Variants in SCAPER observed in about 807,000 individuals in gnomAD.
SCAPER encodes the protein S-phase cyclin A associated protein in the ER, also known as S phase cyclin A-associated protein in the endoplasmic reticulum.
Under a neutral mutation model 182.2 loss-of-function variants are expected in SCAPER, and 98 were observed. That is an observed-to-expected ratio of 0.54 (90% CI 0.46 to 0.64). The LOEUF is 0.64. Ranked by LOEUF, SCAPER falls within the 30% of genes least tolerant of loss-of-function variation. SCAPER has a pLI of 0.00. For missense variants in SCAPER, 1,432 were observed against 1,690.0 expected, an observed-to-expected ratio of 0.85 and a Z score of 2.68; for synonymous variants, 605 against 564.6, an observed-to-expected ratio of 1.07 and a Z score of -1.01.
At chr15:76,605,999 G>GT (rs1232349546) in intron 22 of SCAPER, among the ~76,000 whole-genome samples, 1 of 152,084 alleles carries the variant, frequency 6.6e-6, no homozygotes, top group Non-Finnish European at 1.5e-5. Flanking sequence ...TTTTTGAAGG[G>GT]TTTTTTGTGT....
intron 2 of SCAPER, among the ~76,000 whole-genome samples, chr15:76,863,151 C>T (rs1480482906): frequency 6.6e-6 from 1 of 152,194 alleles, no homozygotes. Flanking sequence ...TCAGCCCCAC[C>T]AACACCCTGT....
At chr15:76,495,576 T>TC (rs1555456249) in intron 24 of SCAPER, among the ~76,000 whole-genome samples, 2 of 25,948 alleles carry the variant, frequency 7.7e-5, no homozygotes, top group Non-Finnish European at 1.5e-4. Flanking sequence ...AGACTTGGTC[T>TC]CAAAAAAAAA....
At chr15:76,565,934 A>T (rs1414580273) in intron 23 of SCAPER, among the ~76,000 whole-genome samples, 2 of 152,166 alleles carry the variant, frequency 1.3e-5, no homozygotes, top group Non-Finnish European at 2.9e-5. Flanking sequence ...TGAGGAAACA[A>T]CTATGTAAGC....
intron 20 of SCAPER, among the ~76,000 whole-genome samples, chr15:76,696,575 T>A (rs986355924): frequency 4.0e-5 from 6 of 151,546 alleles, no homozygotes; most frequent in African/African-American, 1.5e-4. Flanking sequence ...AGAAATATAT[T>A]GATTTAAAAT....
At chr15:76,422,798 A>G (rs1485053618) in intron 26 of SCAPER, among the ~76,000 whole-genome samples, 1 of 152,220 alleles carries the variant, frequency 6.6e-6, no homozygotes, top group Non-Finnish European at 1.5e-5. Flanking sequence ...CGACCCATCA[A>G]TACCTAATTT....
At chr15:76,427,258 A>G (rs2046503426) in intron 26 of SCAPER, among the ~76,000 whole-genome samples, 2 of 152,236 alleles carry the variant, frequency 1.3e-5, no homozygotes, top group Non-Finnish European at 2.9e-5. Context: ...CAGCAAAGTT[A>G]ACTAACAGAG....
chr15:76,476,017 A>G (rs974100137), intron 24 of SCAPER, among the ~76,000 whole-genome samples: 1 of 152,148 alleles, frequency 6.6e-6, no homozygotes, highest in Non-Finnish European at 1.5e-5. Flanking sequence ...CCGAGCATGG[A>G]AAGCCTTTTA....
chr15:76,374,638 T>C (rs1015192215), intron 29 of SCAPER, among the ~76,000 whole-genome samples: 2 of 151,326 alleles, frequency 1.3e-5, no homozygotes, highest in African/African-American at 4.8e-5. Flanking sequence ...TGCGCCACCA[T>C]GCCCGGTTAA....
chr15:76,582,481 A>T (rs1409363011), intron 22 of SCAPER, among the ~76,000 whole-genome samples: 1 of 152,258 alleles, frequency 6.6e-6, no homozygotes, highest in Non-Finnish European at 1.5e-5. Flanking sequence ...ATGTTGATAG[A>T]ATGAAAGAAT....
chr15:76,580,630 T>C (rs1372702738), intron 22 of SCAPER, among the ~76,000 whole-genome samples: 1 of 151,784 alleles, frequency 6.6e-6, no homozygotes, highest in Non-Finnish European at 1.5e-5. Flanking sequence ...AATGGAAACA[T>C]AACATAACAA....
chr15:76,556,682 C>T (rs550105218), intron 23 of SCAPER, among the ~76,000 whole-genome samples: 1 of 151,814 alleles, frequency 6.6e-6, no homozygotes, highest in Non-Finnish European at 1.5e-5. Context: ...CAGGAAGAAA[C>T]TGAAAGACTG....
intron 24 of SCAPER, among the ~76,000 whole-genome samples, chr15:76,488,517 ACT>A (rs1189923671): frequency 1.3e-5 from 2 of 151,802 alleles, no homozygotes. Context: ...TTCATATCAT[ACT>A]CTCTCCTTCA....
intron 14 of SCAPER, among the ~76,000 whole-genome samples, chr15:76,764,387 C>G (rs1471506355): frequency 6.7e-6 from 1 of 149,708 alleles, no homozygotes; most frequent in African/African-American, 2.5e-5. Flanking sequence ...CAAGGCAGGT[C>G]GTGGCAGAGG....
chr15:76,670,490 T>C (rs1267710693), intron 20 of SCAPER, among the ~76,000 whole-genome samples: 1 of 152,216 alleles, frequency 6.6e-6, no homozygotes, highest in Non-Finnish European at 1.5e-5. Context: ...AAAATATTCC[T>C]ATAGTTCAAA....
chr15:76,868,503 A>G (rs1211301016), intron 2 of SCAPER, among the ~76,000 whole-genome samples: 3 of 152,202 alleles, frequency 2.0e-5, no homozygotes, highest in Non-Finnish European at 4.4e-5. Context: ...AACAGTGAAC[A>G]ATCCAAAAAA....
At chr15:76,680,323 A>G (rs1312882049) in intron 20 of SCAPER, among the ~76,000 whole-genome samples, 1 of 151,934 alleles carries the variant, frequency 6.6e-6, no homozygotes, top group Non-Finnish European at 1.5e-5. Context: ...AAGAAAGCTG[A>G]AATGGCTATA....
chr15:76,877,251 A>G (rs1027523165), intron 2 of SCAPER, among the ~76,000 whole-genome samples: 2 of 151,942 alleles, frequency 1.3e-5, no homozygotes, highest in African/African-American at 2.4e-5. Flanking sequence ...AAAGTCTCCC[A>G]CTGGCTAATA....
In SCAPER at chr15:76,849,927, T is replaced by C. The variant is rs141014083; in HGVS notation, c.195+7882A>G. 4.4e-4 allele frequency among the ~76,000 whole-genome samples: 67 copies of C among 151,594 alleles called. 1 individual carries two copies. In the East Asian group the frequency reaches 0.01, roughly 23 times the overall value. On this transcript the variant is annotated intron_variant, in intron 4 of 31. Transcript: ENST00000563290. ...TCACAGAGTGGCAGGACAGAGTGAG[T>C]GCCAGCAGGGGAAATGCTGGACACC...
chr15:76,814,909 T>C (rs985539292), intron 5 of SCAPER, among the ~76,000 whole-genome samples: 7 of 131,216 alleles, frequency 5.3e-5, no homozygotes, highest in African/African-American at 1.7e-4. Flanking sequence ...ACTCACACAA[T>C]TCAATAACAG....
Sources: allele counts gnomAD v4.1 joint callset (sites outside exome capture counted in the v4.1 genomes callset), GRCh38; gene constraint gnomAD v4.1.1; transcripts MANE v1.5; gene names NCBI Gene and HGNC (gene_info 2026-07-23, HGNC 2026-07-21).